The following CDH2 variants were observed in gnomAD, a reference collection of about 807,000 sequenced individuals.
CDH2 encodes cadherin 2, also known as cadherin-2.
A neutral mutation model predicts 92.0 loss-of-function variants in CDH2; 17 were observed. The observed-to-expected ratio is 0.18, with a 90% CI of 0.13 to 0.28. The LOEUF (loss-of-function observed/expected upper bound fraction) is 0.28, where lower values mean the gene tolerates loss of function less well. CDH2 is among the 10% of genes least tolerant of loss of function. The probability of loss-of-function intolerance (pLI) is 1.00; values close to 1 mark genes in which losing one functional copy is unlikely to be tolerated. For synonymous variants in CDH2, 419 were observed against 415.9 expected (o/e 1.01, Z -0.09); for missense variants, 862 against 1,133.1 (o/e 0.76, Z 3.44).
At chr18:28,068,870 T>C (rs2014562717) in intron 2 of CDH2, among the ~76,000 whole-genome samples, 2 of 152,176 alleles carry the variant, frequency 1.3e-5, no homozygotes, top group African/African-American at 4.8e-5. Context: ...CTTCAATCTA[T>C]TTAATAACAT....
intron 2 of CDH2, among the ~76,000 whole-genome samples, chr18:28,014,793 C>A (rs1472659665): frequency 6.6e-6 from 1 of 150,376 alleles, no homozygotes; most frequent in African/African-American, 2.4e-5. Flanking sequence ...GGTAATAAAA[C>A]AAAAATTAAA....
At position 28,009,723 on chromosome 18, in the gene CDH2, C is replaced by A. The variant is rs520232; in HGVS notation, c.696G>T (p.Arg232=). ...TKPLDREQIA[R]FHLRAHAVDI... ...CAGCTGGTTGGAATCTTACATGAAA[C>A]CGGGCTATCTGCTCGCGATCCAGGG... Residue 232 remains arginine, a synonymous_variant, in exon 5 of 16, where the codon CGG becomes CGT. Transcript: ENST00000269141. 8.8e-4 allele frequency: 1,424 copies of A among 1,613,406 alleles called. 15 individuals are homozygous for A. The African/African-American group carries it at 0.017, about 20-fold the overall frequency.
intron 2 of CDH2, among the ~76,000 whole-genome samples, chr18:28,061,899 T>C (rs1241733111): frequency 2.0e-5 from 3 of 152,128 alleles, no homozygotes; most frequent in African/African-American, 7.2e-5. Context: ...ATGATTCAAT[T>C]ACCTCCCACC....
chr18:28,000,586 C>T (rs925598818), intron 7 of CDH2, among the ~76,000 whole-genome samples: 1 of 151,940 alleles, frequency 6.6e-6, no homozygotes, highest in African/African-American at 2.4e-5. Context: ...TTTGACAGTC[C>T]TGCACAAAAA....
intron 2 of CDH2, among the ~76,000 whole-genome samples, chr18:28,046,617 G>A (rs957496261): frequency 2.0e-5 from 3 of 152,144 alleles, no homozygotes; most frequent in African/African-American, 7.2e-5. Context: ...AATGCATCCT[G>A]TGTAACAAGT....
intron 2 of CDH2, among the ~76,000 whole-genome samples, chr18:28,115,658 C>A (rs527352108): frequency 6.6e-6 from 1 of 152,142 alleles, no homozygotes; most frequent in South Asian, 2.1e-4. Flanking sequence ...TATTATGGGC[C>A]AGCTTTCCAA....
chr18:28,101,169 T>A (rs1389760834), intron 2 of CDH2, among the ~76,000 whole-genome samples: 2 of 152,184 alleles, frequency 1.3e-5, no homozygotes, highest in Non-Finnish European at 2.9e-5. Context: ...GAATTGATGT[T>A]AATGGCTTAA....
intron 2 of CDH2, among the ~76,000 whole-genome samples, chr18:28,106,401 A>T (rs1599105225): frequency 6.6e-6 from 1 of 151,402 alleles, no homozygotes; most frequent in East Asian, 2.0e-4. Flanking sequence ...TGGGTGCCAG[A>T]GTGAGATTGC....
intron 2 of CDH2, among the ~76,000 whole-genome samples, chr18:28,134,774 C>T (rs2015833768): frequency 6.6e-6 from 1 of 152,162 alleles, no homozygotes; most frequent in Non-Finnish European, 1.5e-5. Context: ...CCTGTGTGCA[C>T]TTACTGACAC....
rs751858278 is a variant in CDH2, at chr18:28,172,520, AG to A, written c.60+4442del. On this transcript the variant is annotated intron_variant, in intron 1 of 15. Coordinates refer to ENST00000269141, the MANE Select transcript of CDH2 (RefSeq NM_001792.5). ...ATTAAAATAAAAATAAAATTTTAGTAGAAAAAAACAGAAATGTGAGACACAG... is the reference window on the plus strand; with the variant it reads ...ATTAAAATAAAAATAAAATTTTAGTAAAAAAAACAGAAATGTGAGACACAG... 4.6e-5 allele frequency among the ~76,000 whole-genome samples: 7 copies of A among 152,340 alleles called. No individual in the cohort carries two copies. In the East Asian group the frequency reaches 7.7e-4, roughly 17 times the overall value.
intron 2 of CDH2, among the ~76,000 whole-genome samples, chr18:28,088,486 T>A (rs2014977881): frequency 6.6e-6 from 1 of 152,230 alleles, no homozygotes. Context: ...ATACCCTTTC[T>A]AAATTAGAGC....
chr18:28,131,749 T>C (rs185172114), intron 2 of CDH2, among the ~76,000 whole-genome samples: 37 of 151,872 alleles, frequency 2.4e-4, no homozygotes, highest in African/African-American at 8.2e-4. Context: ...TAAAATTTCA[T>C]CTTACCTACT....
chr18:28,112,461 G>C (rs574876624), intron 2 of CDH2, among the ~76,000 whole-genome samples: 3 of 152,308 alleles, frequency 2.0e-5, no homozygotes, highest in East Asian at 3.9e-4. Context: ...CTTTGAAGGA[G>C]GCACCGAGGT....
chr18:28,086,361 A>C (rs1414132413), intron 2 of CDH2, among the ~76,000 whole-genome samples: 2 of 152,092 alleles, frequency 1.3e-5, no homozygotes, highest in Non-Finnish European at 2.9e-5. Flanking sequence ...ATAGTTCCGT[A>C]AATCTCTCGG....
At chr18:28,176,571 CA>C (rs1323334098) in intron 1 of CDH2, among the ~76,000 whole-genome samples, 1 of 151,960 alleles carries the variant, frequency 6.6e-6, no homozygotes, top group Non-Finnish European at 1.5e-5. Context: ...CAGAAATAAA[CA>C]AAAAAATTGG....
At chr18:28,031,996 T>C (rs911234464) in intron 2 of CDH2, among the ~76,000 whole-genome samples, 1 of 152,084 alleles carries the variant, frequency 6.6e-6, no homozygotes, top group African/African-American at 2.4e-5. Context: ...GGGTGTAGTA[T>C]AGTACTCTCT....
At chr18:28,048,697 C>A (rs2014129225) in intron 2 of CDH2, among the ~76,000 whole-genome samples, 1 of 152,074 alleles carries the variant, frequency 6.6e-6, no homozygotes, top group Non-Finnish European at 1.5e-5. Context: ...TGAATGTAAA[C>A]AAAGAATGCT....
chr18:27,960,019 A>AACACACACAC (rs5823570), intron 15 of CDH2, among the ~76,000 whole-genome samples: 32,397 of 149,434 alleles, frequency 0.22, 3,981 homozygotes, highest in Non-Finnish European at 0.28. Context: ...TGTCTCTTAA[A>AACACACACAC]ACACACACAC....
intron 5 of CDH2, 25 bp from the exon 6 acceptor site, chr18:28,006,018 T>A: frequency 6.3e-7 from 1 of 1,577,906 alleles, no homozygotes; most frequent in Non-Finnish European, 8.7e-7. Flanking sequence ...AGAAAACAAC[T>A]ATTTAACAGA....
Sources: allele counts gnomAD v4.1 joint callset (sites outside exome capture counted in the v4.1 genomes callset), GRCh38; gene constraint gnomAD v4.1.1; transcripts MANE v1.5; gene names NCBI Gene and HGNC (gene_info 2026-07-23, HGNC 2026-07-21).